FOCAD: variants seen among roughly 807,000 people sequenced by gnomAD.
FOCAD encodes the protein KIAA1797.
FOCAD carries 198 observed loss-of-function variants against 225.6 expected under a neutral mutation model. That is an observed-to-expected ratio of 0.88 (90% CI 0.78 to 0.99). The LOEUF (loss-of-function observed/expected upper bound fraction) is 0.99, where lower values mean the gene tolerates loss of function less well. Ranked by LOEUF, FOCAD falls within the 50% of genes least tolerant of loss-of-function variation. The pLI, the probability that FOCAD is intolerant of heterozygous loss-of-function variation, is 0.00. For synonymous variants in FOCAD, 897 were observed against 755.0 expected, an observed-to-expected ratio of 1.19 and a Z score of -3.08; for missense variants, 2,713 against 2,123.6, an observed-to-expected ratio of 1.28 and a Z score of -5.46.
At chr9:20,979,317 C>T (rs1840480543) in intron 37 of FOCAD, among the ~76,000 whole-genome samples, 1 of 152,006 alleles carries the variant, frequency 6.6e-6, no homozygotes, top group Non-Finnish European at 1.5e-5. Flanking sequence ...TGGCCTTTGT[C>T]CCTATTCAGC....
At chr9:20,737,825 T>G (rs1200937268) in intron 4 of FOCAD, among the ~76,000 whole-genome samples, 1 of 152,170 alleles carries the variant, frequency 6.6e-6, no homozygotes, top group Non-Finnish European at 1.5e-5. Flanking sequence ...ATTCATATAT[T>G]TGGAGGAGTC....
chr9:20,706,573 G>A (rs896337377), intron 1 of FOCAD, among the ~76,000 whole-genome samples: 2 of 152,118 alleles, frequency 1.3e-5, no homozygotes, highest in South Asian at 4.1e-4. Context: ...AAGAACACTT[G>A]GTTGGAAGTC....
At chr9:20,752,291 G>C (rs1391971452) in intron 5 of FOCAD, among the ~76,000 whole-genome samples, 1 of 150,932 alleles carries the variant, frequency 6.6e-6, no homozygotes, top group Non-Finnish European at 1.5e-5. Flanking sequence ...TATGGTTTTA[G>C]GTCTAACGTT....
Position 20,866,917 on chromosome 9 carries a change from T to TTAAA in FOCAD, c.2107-12_2107-11insTAAA. 2.6e-6 allele frequency: 2 copies of TTAAA among 764,968 alleles called. No homozygotes were observed. Among genetic ancestry groups the TTAAA allele is most frequent in the Non-Finnish European group, 2.0e-6 (1 of 498,466 alleles). The allele number at this position is 764,968 out of a possible 1,614,324, so 47.4% of individuals were successfully genotyped here. ...TTTTTTTTTTTTTTTTTTTTTTTTT[T>TTAAA]ACCCTATCTAGGACCCAATTGTAGC... On this transcript the variant is annotated splice_polypyrimidine_tract_variant and intron_variant, in intron 17 of 43. Coordinates refer to ENST00000338382, the MANE Select transcript of FOCAD (RefSeq NM_001375567.1).
chr9:20,809,691 G>T (rs914854329), intron 11 of FOCAD, among the ~76,000 whole-genome samples: 24 of 152,102 alleles, frequency 1.6e-4, no homozygotes, highest in African/African-American at 1.9e-4. Flanking sequence ...AAGTTATTCA[G>T]TTAATAGTGC....
chr9:20,820,533 G>T, intron 13 of FOCAD, 108 bp downstream of exon 13: 1 of 849,080 alleles, frequency 1.2e-6, no homozygotes. Flanking sequence ...TTAATGAGTG[G>T]CATCAGTGAT....
chr9:20,820,490 T>A, intron 13 of FOCAD, 65 bp downstream of exon 13: 3 of 1,353,976 alleles, frequency 2.2e-6, no homozygotes, highest in Non-Finnish European at 3.2e-6. Flanking sequence ...AAAATAATTA[T>A]GTCATATATG....
At chr9:20,677,362 TAGAC>T (rs1158940809) in intron 2 of FOCAD, among the ~76,000 whole-genome samples, 3 of 151,966 alleles carry the variant, frequency 2.0e-5, no homozygotes, top group Non-Finnish European at 4.4e-5. Flanking sequence ...AAAGCAAAAA[TAGAC>T]AGGTGGGATT....
intron 33 of FOCAD, 89 bp downstream of exon 33, chr9:20,949,764 T>C: frequency 1.8e-6 from 2 of 1,124,314 alleles, no homozygotes; most frequent in East Asian, 4.7e-5. Context: ...ATGTTTTACC[T>C]GGAAAATGGG....
At chr9:20,964,719 A>G (rs563476960) in intron 35 of FOCAD, among the ~76,000 whole-genome samples, 2 of 152,276 alleles carry the variant, frequency 1.3e-5, no homozygotes, top group South Asian at 4.1e-4. Flanking sequence ...TATTTTTAGT[A>G]GAGACAGGCT....
intron 9 of FOCAD, among the ~76,000 whole-genome samples, chr9:20,779,593 C>CA (rs916714999): frequency 6.6e-6 from 1 of 151,828 alleles, no homozygotes; most frequent in African/African-American, 2.4e-5. Context: ...ACTAAAAATA[C>CA]AAAAAAATTA....
At chr9:20,784,134 A>G (rs1587147787) in intron 10 of FOCAD, among the ~76,000 whole-genome samples, 1 of 152,184 alleles carries the variant, frequency 6.6e-6, no homozygotes, top group East Asian at 1.9e-4. Flanking sequence ...CTGGGGTGCC[A>G]TAGGCTAGAA....
intron 19 of FOCAD, among the ~76,000 whole-genome samples, chr9:20,878,124 T>TAA (rs35026690): frequency 6.7e-5 from 10 of 150,012 alleles, no homozygotes; most frequent in South Asian, 6.3e-4. Context: ...GTCATATTTG[T>TAA]AAAAAAAAAA....
chr9:20,888,321 T>G (rs1024180363), intron 21 of FOCAD, among the ~76,000 whole-genome samples: 1 of 151,914 alleles, frequency 6.6e-6, no homozygotes, highest in Non-Finnish European at 1.5e-5. Flanking sequence ...GTATTTTTAG[T>G]AGAGACGGGG....
At chr9:20,980,018 T>C (rs1840551297) in intron 37 of FOCAD, among the ~76,000 whole-genome samples, 1 of 152,166 alleles carries the variant, frequency 6.6e-6, no homozygotes, top group African/African-American at 2.4e-5. Context: ...TCCATTGTGC[T>C]TGCTTGTAGT....
chr9:20,879,585 A>G (rs1830502276), intron 19 of FOCAD, among the ~76,000 whole-genome samples: 1 of 152,110 alleles, frequency 6.6e-6, no homozygotes, highest in Admixed American at 6.6e-5. Context: ...TGTTGAGGAC[A>G]TTTGGGTTGT....
chr9:20,722,193 C>T (rs1215884628), intron 4 of FOCAD, among the ~76,000 whole-genome samples: 5 of 151,436 alleles, frequency 3.3e-5, no homozygotes, highest in Non-Finnish European at 5.9e-5. Context: ...CAAATGTGTG[C>T]CAGCATGCCT....
chr9:20,673,729 G>T (rs1822146601), intron 2 of FOCAD, among the ~76,000 whole-genome samples: 2 of 152,042 alleles, frequency 1.3e-5, no homozygotes, highest in Non-Finnish European at 1.5e-5. Flanking sequence ...CAGCCTCCCA[G>T]GTAGCTGGGA....
rs1042739890 is a variant in FOCAD, at chr9:20,709,652, T to C, written c.-32-5670T>C. ...AATGTTTGTGATTAACCTTGAAATA[T>C]AAGTCTTCAGCAAATGAAAGACACT... On this transcript the variant is annotated intron_variant, in intron 1 of 43. Coordinates refer to ENST00000338382, the MANE Select transcript of FOCAD (RefSeq NM_001375567.1). Among the ~76,000 whole-genome samples the C allele has an allele frequency of 1.3e-5, 2 of 152,260 alleles. 1 individual carries two copies.
Sources: gnomAD v4.1 joint callset for allele counts (sites outside exome capture counted in the v4.1 genomes callset) on GRCh38, gnomAD v4.1.1 for gene constraint, MANE v1.5 for transcripts, NCBI Gene and HGNC (gene_info 2026-07-23, HGNC 2026-07-21) for gene names.